TCERG1L: variants seen among roughly 807,000 people sequenced by gnomAD.
TCERG1L encodes transcription elongation regulator 1 like.
TCERG1L carries 37 observed loss-of-function variants against 56.3 expected under a neutral mutation model. The ratio of observed to expected loss-of-function variants is 0.66; its 90% confidence interval spans 0.51 to 0.87. The LOEUF (loss-of-function observed/expected upper bound fraction) is 0.87, where lower values mean the gene tolerates loss of function less well. TCERG1L is among the 40% of genes least tolerant of loss of function. The pLI, the probability that TCERG1L is intolerant of heterozygous loss-of-function variation, is 0.00. For synonymous variants in TCERG1L, 324 were observed against 326.3 expected (o/e 0.99, Z 0.08); for missense variants, 799 against 774.2 (o/e 1.03, Z -0.38).
chr10:131,178,570 AG>A (rs1845136824), intron 4 of TCERG1L, among the ~76,000 whole-genome samples: 1 of 152,184 alleles, frequency 6.6e-6, no homozygotes, highest in Non-Finnish European at 1.5e-5. Context: ...GCCTGGGAAG[AG>A]GCACAGGCCC....
chr10:131,191,882 AAAAAAAAG>A (rs1845306735), intron 4 of TCERG1L, among the ~76,000 whole-genome samples: 3 of 137,816 alleles, frequency 2.2e-5, no homozygotes, highest in Admixed American at 7.3e-5. Flanking sequence ...AAAAAAAAAA[AAAAAAAAG>A]AAAAAAAGAA....
intron 6 of TCERG1L, among the ~76,000 whole-genome samples, chr10:131,155,659 C>T (rs1845911625): frequency 6.6e-6 from 1 of 152,204 alleles, no homozygotes; most frequent in South Asian, 2.1e-4. Context: ...ATGGATAGAA[C>T]TGCCACCGGC....
intron 3 of TCERG1L, among the ~76,000 whole-genome samples, chr10:131,281,321 C>G (rs1486951423): frequency 1.3e-5 from 2 of 152,090 alleles, no homozygotes; most frequent in Non-Finnish European, 2.9e-5. Flanking sequence ...CTGAGCGTGT[C>G]CACCGTGCAG....
chr10:131,109,495 G>GCTGTGT (rs1845389491), intron 9 of TCERG1L, among the ~76,000 whole-genome samples: 1 of 151,874 alleles, frequency 6.6e-6, no homozygotes, highest in African/African-American at 2.4e-5. Flanking sequence ...TGTGTCTGTG[G>GCTGTGT]CTGTGTCTGT....
chr10:131,093,131 AC>A lies in TCERG1L; in HGVS notation c.*30del. ...CTCGCCCCCGGCACGCCCAGGGTCA[AC>A]CCCCGGGCTTATTGCATTTTTTCAC... is the stretch of plus-strand genomic sequence containing the variant. On this transcript the variant is annotated 3_prime_UTR_variant, in exon 12 of 12. Transcript: ENST00000368642. The A allele has an allele frequency of 6.2e-7, 1 of 1,604,788 alleles. No homozygotes were observed.
At chr10:131,252,745 A>G (rs180735796) in intron 4 of TCERG1L, among the ~76,000 whole-genome samples, 245 of 152,260 alleles carry the variant, frequency 1.6e-3, no homozygotes, top group African/African-American at 5.4e-3. Context: ...AAATTAAATA[A>G]AGTGGCCTGT....
chr10:131,285,188 G>A (rs1226394994), intron 3 of TCERG1L, among the ~76,000 whole-genome samples: 2 of 151,892 alleles, frequency 1.3e-5, no homozygotes, highest in Non-Finnish European at 2.9e-5. Context: ...GACCAGCCTG[G>A]CCAACATGGT....
At chr10:131,143,647 C>G (rs1460902505) in intron 7 of TCERG1L, among the ~76,000 whole-genome samples, 6 of 152,274 alleles carry the variant, frequency 3.9e-5, no homozygotes, top group Non-Finnish European at 8.8e-5. Context: ...AGCGAGAGAA[C>G]CACGCCTCTG....
In TCERG1L at chr10:131,116,755, C is replaced by T. The variant is rs202132635; in HGVS notation, c.1395+44G>A. On this transcript the variant is annotated intron_variant, in intron 9 of 11. Coordinates refer to ENST00000368642, the MANE Select transcript of TCERG1L (RefSeq NM_174937.4). ...GACGGCCACTCAGCTGCTGTTCCCC[C>T]GGGTCTGCCGTAGGAGTGCAGCCCC... 74 of 1,542,346 alleles carry T rather than the reference C, an allele frequency of 4.8e-5. No homozygotes were observed. In the African/African-American group the frequency reaches 7.1e-4, roughly 15 times the overall value.
At chr10:131,152,506 A>ACTTT (rs1417277002) in intron 6 of TCERG1L, among the ~76,000 whole-genome samples, 1 of 152,124 alleles carries the variant, frequency 6.6e-6, no homozygotes, top group African/African-American at 2.4e-5. Flanking sequence ...GAAGTTCCAA[A>ACTTT]CTTTCCCACA....
intron 4 of TCERG1L, among the ~76,000 whole-genome samples, chr10:131,224,921 C>G (rs1845776129): frequency 6.6e-6 from 1 of 152,226 alleles, no homozygotes; most frequent in Admixed American, 6.5e-5. Flanking sequence ...TAGAATGTCT[C>G]TCTTTACTAG....
At chr10:131,121,771 C>A (rs142204521) in intron 8 of TCERG1L, among the ~76,000 whole-genome samples, 1 of 152,320 alleles carries the variant, frequency 6.6e-6, no homozygotes, top group Non-Finnish European at 1.5e-5. Flanking sequence ...TGCCAGGTCG[C>A]CCAGCTGCAG....
intron 4 of TCERG1L, among the ~76,000 whole-genome samples, chr10:131,192,281 A>G (rs1845313430): frequency 6.9e-6 from 1 of 144,546 alleles, no homozygotes; most frequent in Non-Finnish European, 1.5e-5. Flanking sequence ...AATGCTTAAC[A>G]TAGTTAATCA....
intron 4 of TCERG1L, among the ~76,000 whole-genome samples, chr10:131,257,037 GAAA>G (rs1564827238): frequency 7.1e-5 from 10 of 141,778 alleles, no homozygotes; most frequent in African/African-American, 2.6e-4. Flanking sequence ...AAGAAAGAAA[GAAA>G]GAAAGAAAGA....
rs1263471575 is a variant in TCERG1L, at chr10:131,103,877, T to C, written c.1485+388A>G. 6.6e-6 allele frequency among the ~76,000 whole-genome samples: 1 copy of C among 152,164 alleles called. No individual in the cohort carries two copies. The highest frequency in any genetic ancestry group is 1.5e-5 in the Non-Finnish European group (1 of 68,026). On this transcript the variant is annotated intron_variant, in intron 10 of 11. Coordinates refer to ENST00000368642, the MANE Select transcript of TCERG1L (RefSeq NM_174937.4). This position sits in a 1 kb window ranked among gnomAD's most constrained non-coding sequence, Gnocchi z 4.3. ...TTCATTTTGATTCTGACAACTTTCATATTATATAAGATTTTAAGCATATAA... is the reference window on the plus strand; with the variant it reads ...TTCATTTTGATTCTGACAACTTTCACATTATATAAGATTTTAAGCATATAA...
chr10:131,092,715 A>G lies in TCERG1L; in HGVS notation c.*447T>C, dbSNP rs1339064105. 6.5e-6 allele frequency: 1 copy of G among 154,508 alleles called. No individual in the cohort carries two copies. Among genetic ancestry groups the G allele is most frequent in the African/African-American group, 2.4e-5 (1 of 41,472 alleles). The allele number at this position is 154,508 out of a possible 1,614,324, so 9.6% of individuals were successfully genotyped here. ...GCTGCTACTCAGAAACGAGACTGAG[A>G]CCTAGGGACAGAGTAAGGAATTCCT... On this transcript the variant is annotated 3_prime_UTR_variant, in exon 12 of 12. Coordinates refer to ENST00000368642, the MANE Select transcript of TCERG1L (RefSeq NM_174937.4).
At chr10:131,176,725 CACAT>C (rs1256974480) in intron 4 of TCERG1L, among the ~76,000 whole-genome samples, 20 of 141,208 alleles carry the variant, frequency 1.4e-4, no homozygotes, top group African/African-American at 4.6e-4. Flanking sequence ...CAGAGATAGG[CACAT>C]ACAAAGAGGC....
intron 7 of TCERG1L, among the ~76,000 whole-genome samples, chr10:131,145,129 A>G (rs941481881): frequency 6.6e-6 from 1 of 152,268 alleles, no homozygotes; most frequent in African/African-American, 2.4e-5. Flanking sequence ...ATCTGCCAGC[A>G]TGATCTGCCT....
chr10:131,234,939 T>C (rs904229320), intron 4 of TCERG1L, among the ~76,000 whole-genome samples: 6 of 152,200 alleles, frequency 3.9e-5, no homozygotes, highest in African/African-American at 1.4e-4. Context: ...TTTGACCTCA[T>C]GATCTGCCCA....
Sources: gnomAD v4.1 joint callset for allele counts (sites outside exome capture counted in the v4.1 genomes callset) on GRCh38, gnomAD v4.1.1 for gene constraint, Gnocchi (gnomAD v3.1) non-coding constraint, MANE v1.5 for transcripts, NCBI Gene and HGNC (gene_info 2026-07-23, HGNC 2026-07-21) for gene names.